TTLL11: variants seen among roughly 807,000 people sequenced by gnomAD.
The protein encoded by TTLL11 is tubulin tyrosine ligase like 11.
In TTLL11, 42 loss-of-function variants were observed where a neutral mutation model predicts 51.7. The ratio of observed to expected loss-of-function variants is 0.81; its 90% CI spans 0.64 to 1.05. The LOEUF is 1.05. TTLL11 is among the 50% of genes least tolerant of loss of function. The pLI is 0.00. For synonymous variants in TTLL11, 381 were observed against 383.5 expected (o/e 0.99, Z 0.08); for missense variants, 799 against 940.4 (o/e 0.85, Z 1.97).
At chr9:121,845,274 A>G (rs957410033) in intron 8 of TTLL11, among the ~76,000 whole-genome samples, 3 of 152,178 alleles carry the variant, frequency 2.0e-5, no homozygotes, top group Non-Finnish European at 2.9e-5. Context: ...AGTATTAGAA[A>G]AAGAAACCCC....
intron 3 of TTLL11, among the ~76,000 whole-genome samples, chr9:122,022,355 C>T (rs934200225): frequency 6.6e-6 from 1 of 151,264 alleles, no homozygotes; most frequent in Non-Finnish European, 1.5e-5. Context: ...TTGTTCAACA[C>T]CAATGATAAA....
At chr9:121,959,211 C>T (rs754160975) in intron 6 of TTLL11, among the ~76,000 whole-genome samples, 21 of 152,102 alleles carry the variant, frequency 1.4e-4, no homozygotes, top group Non-Finnish European at 2.5e-4. Context: ...TGAACCCAGA[C>T]CTCCTGTCCT....
At chr9:121,824,035 C>T (rs962756903) in intron 8 of TTLL11, among the ~76,000 whole-genome samples, 1 of 152,154 alleles carries the variant, frequency 6.6e-6, no homozygotes, top group Admixed American at 6.6e-5. Context: ...CTGGACTGTG[C>T]GCTTCCCGTG....
chr9:121,826,342 G>A, intron 8 of TTLL11, among the ~76,000 whole-genome samples: 1 of 119,802 alleles, frequency 8.3e-6, no homozygotes, highest in African/African-American at 3.6e-5. Flanking sequence ...TTATATATAT[G>A]GGTTATATAT....
intron 8 of TTLL11, among the ~76,000 whole-genome samples, chr9:121,824,569 G>A (rs1836691448): frequency 6.6e-6 from 1 of 151,232 alleles, no homozygotes; most frequent in African/African-American, 2.4e-5. Flanking sequence ...GAGTGGCCTG[G>A]AAATTCAAAC....
intron 8 of TTLL11, among the ~76,000 whole-genome samples, chr9:121,849,700 A>C (rs1837612594): frequency 6.6e-6 from 1 of 152,228 alleles, no homozygotes; most frequent in Non-Finnish European, 1.5e-5. Context: ...ATGAGGTGGC[A>C]CTATATACCT....
At position 121,853,281 on chromosome 9, in the gene TTLL11, G is replaced by A. The variant is rs927800435; in HGVS notation, c.1840+7056C>T. On this transcript the variant is annotated intron_variant, in intron 8 of 8. Transcript: ENST00000321582. The surrounding 1 kb of genome is among the most constrained non-coding windows in gnomAD (Gnocchi z 5.6). ...GGAACAGCTCTGTTTCCTGGATGTT[G>A]GCCTCATGTCGGGGGCAGATGTCCA... 2.0e-5 allele frequency among the ~76,000 whole-genome samples: 3 copies of A among 152,162 alleles called. No individual in the cohort carries two copies. The highest frequency in any genetic ancestry group is 6.5e-5 in the Admixed American group (1 of 15,294).
intron 8 of TTLL11, among the ~76,000 whole-genome samples, chr9:121,841,666 G>A (rs1360284537): frequency 6.6e-6 from 1 of 151,820 alleles, no homozygotes; most frequent in East Asian, 1.9e-4. Context: ...CTGTGGTGGG[G>A]CACGAAGAAC....
intron 7 of TTLL11, among the ~76,000 whole-genome samples, chr9:121,863,017 G>A (rs964506594): frequency 2.0e-5 from 3 of 152,124 alleles, no homozygotes; most frequent in African/African-American, 7.2e-5. Context: ...TTGTATGCCA[G>A]CACACTTTCT....
intron 1 of TTLL11, among the ~76,000 whole-genome samples, chr9:122,069,730 G>A (rs760145614): frequency 5.9e-5 from 9 of 152,004 alleles, no homozygotes; most frequent in Non-Finnish European, 1.2e-4. Flanking sequence ...ATGGGACTCC[G>A]AGGGAGTGGA....
Position 121,818,131 on chromosome 9 carries a change from G to C in TTLL11, c.*4456C>G, listed in dbSNP as rs967806978. On this transcript the variant is annotated 3_prime_UTR_variant, in exon 9 of 9. Coordinates refer to ENST00000321582, the MANE Select transcript of TTLL11 (RefSeq NM_001139442.2). ...TTGAAAGGAGGCTGGCTAGCCGGCTGGAGGGGTGTTGGTGAGGACTGCCCA... is the reference window on the plus strand; with the variant it reads ...TTGAAAGGAGGCTGGCTAGCCGGCTCGAGGGGTGTTGGTGAGGACTGCCCA... 6.6e-6 allele frequency: 1 copy of C among 152,394 alleles called. No homozygotes were observed. Among genetic ancestry groups the C allele is most frequent in the Non-Finnish European group, 1.5e-5 (1 of 68,198 alleles). The allele number at this position is 152,394 out of a possible 1,614,324, so 9.4% of individuals were successfully genotyped here.
chr9:121,844,788 G>C (rs1310686396), intron 8 of TTLL11, among the ~76,000 whole-genome samples: 2 of 151,478 alleles, frequency 1.3e-5, no homozygotes, highest in African/African-American at 2.4e-5. Flanking sequence ...TGAGCTTGAA[G>C]ATATGTCAAT....
intron 4 of TTLL11, among the ~76,000 whole-genome samples, chr9:121,980,419 T>G (rs1227407921): frequency 6.6e-6 from 1 of 152,212 alleles, no homozygotes; most frequent in African/African-American, 2.4e-5. Context: ...CTTTGTGAAC[T>G]GTAGGAAAAG....
chr9:122,050,843 C>T (rs1048924192), intron 1 of TTLL11, among the ~76,000 whole-genome samples: 2 of 152,200 alleles, frequency 1.3e-5, no homozygotes, highest in African/African-American at 4.8e-5. Context: ...GGAAGTGGAT[C>T]TGTCAGCCCC....
intron 3 of TTLL11, among the ~76,000 whole-genome samples, chr9:122,019,960 G>A (rs1046247425): frequency 6.6e-6 from 1 of 152,182 alleles, no homozygotes; most frequent in African/African-American, 2.4e-5. Context: ...CATATAAGAT[G>A]TGCCTTTCGC....
intron 6 of TTLL11, among the ~76,000 whole-genome samples, chr9:121,961,893 T>C (rs924436684): frequency 5.9e-5 from 9 of 152,028 alleles, no homozygotes; most frequent in African/African-American, 2.2e-4. Context: ...CCGTCTCTAC[T>C]AAAAATACAA....
In TTLL11 at chr9:121,860,354, A is replaced by AG. The variant is rs1837967450; in HGVS notation, c.1822dup (p.Leu608ProfsTer32). ...TCAAATACCTGAGTCCCGCTGGTCC[A>AG]GGGTCATGGAGTTCCACCTCCGTGT... On this transcript the variant is annotated frameshift_variant, in exon 8 of 9. Coordinates refer to ENST00000321582, the MANE Select transcript of TTLL11 (RefSeq NM_001139442.2). LOFTEE classifies it low-confidence loss of function (END_TRUNC). The AG allele has an allele frequency of 1.9e-6, 3 of 1,551,426 alleles. No individual in the cohort carries two copies. In the South Asian group the frequency reaches 3.6e-5, roughly 18 times the overall value.
At chr9:122,023,349 T>C (rs1472462067) in intron 3 of TTLL11, among the ~76,000 whole-genome samples, 1 of 151,986 alleles carries the variant, frequency 6.6e-6, no homozygotes, top group Non-Finnish European at 1.5e-5. Flanking sequence ...ATGATTTCCC[T>C]AGTGAATTTT....
intron 1 of TTLL11, among the ~76,000 whole-genome samples, chr9:122,049,942 AG>A (rs770804682): frequency 1.2e-4 from 19 of 152,160 alleles, no homozygotes; most frequent in South Asian, 4.1e-4. Flanking sequence ...ATGCATCTGT[AG>A]GGGGGAAATG....
Sources: gnomAD v4.1 joint callset for allele counts (sites outside exome capture counted in the v4.1 genomes callset) on GRCh38, gnomAD v4.1.1 for gene constraint, Gnocchi (gnomAD v3.1) non-coding constraint, MANE v1.5 for transcripts, NCBI Gene and HGNC (gene_info 2026-07-23, HGNC 2026-07-21) for gene names.